The following NRG1 variants were observed in gnomAD, a reference collection of about 807,000 sequenced individuals.
NRG1 encodes the protein pro-neuregulin-1, membrane-bound isoform.
Under a neutral mutation model 63.8 loss-of-function variants are expected in NRG1, and 18 were observed. The ratio of observed to expected loss-of-function variants is 0.28; its 90% CI spans 0.19 to 0.42. NRG1 has a LOEUF of 0.42. NRG1 is among the 10% of genes least tolerant of loss of function. The pLI is 1.00. For synonymous variants in NRG1, 302 were observed against 301.3 expected, an observed-to-expected ratio of 1.00 and a Z score of -0.02; for missense variants, 762 against 814.7, an observed-to-expected ratio of 0.94 and a Z score of 0.79.
intron 1 of NRG1, among the ~76,000 whole-genome samples, chr8:32,054,640 A>C (rs1236830865): frequency 6.6e-6 from 1 of 152,002 alleles, no homozygotes; most frequent in Non-Finnish European, 1.5e-5. Flanking sequence ...TTATGGTGTT[A>C]GGGCTATTGC....
chr8:31,949,332 A>T (rs913399104), intron 1 of NRG1, among the ~76,000 whole-genome samples: 1 of 152,090 alleles, frequency 6.6e-6, no homozygotes, highest in Non-Finnish European at 1.5e-5. Context: ...GCCCCCTCTC[A>T]GCTAATCTTC....
At chr8:32,358,696 A>T (rs964324744) in intron 1 of NRG1, among the ~76,000 whole-genome samples, 8 of 152,190 alleles carry the variant, frequency 5.3e-5, no homozygotes, top group African/African-American at 1.9e-4. Context: ...TGCAGAGCAG[A>T]AGGCTAGAGC....
chr8:32,216,343 A>G (rs1003181836), intron 1 of NRG1, among the ~76,000 whole-genome samples: 5 of 149,502 alleles, frequency 3.3e-5, no homozygotes, highest in African/African-American at 9.7e-5. Flanking sequence ...TTTGTCTCTG[A>G]CAGTATTAAA....
At chr8:32,395,457 T>C (rs1449326369) in intron 1 of NRG1, among the ~76,000 whole-genome samples, 1 of 152,226 alleles carries the variant, frequency 6.6e-6, no homozygotes, top group African/African-American at 2.4e-5. Context: ...TGCCATCTCA[T>C]TGTAGTTTGA....
At chr8:31,817,645 C>T (rs1179820953) in intron 1 of NRG1, among the ~76,000 whole-genome samples, 1 of 152,162 alleles carries the variant, frequency 6.6e-6, no homozygotes, top group Non-Finnish European at 1.5e-5. Context: ...TTGACTTCTT[C>T]ACTCTGTGTT....
At chr8:32,727,769 G>C (rs941272488) in intron 5 of NRG1, among the ~76,000 whole-genome samples, 180 bp from the exon 6 acceptor site, 1 of 152,060 alleles carries the variant, frequency 6.6e-6, no homozygotes, top group Non-Finnish European at 1.5e-5. Flanking sequence ...TTTATAATTT[G>C]ATTCTATGTA....
At chr8:32,688,097 A>G (rs1380636886) in intron 5 of NRG1, among the ~76,000 whole-genome samples, 2 of 152,226 alleles carry the variant, frequency 1.3e-5, no homozygotes, top group African/African-American at 4.8e-5. Context: ...TAGATCTTAC[A>G]GAAGAAAATA....
intron 1 of NRG1, among the ~76,000 whole-genome samples, chr8:31,907,961 A>C (rs930900000): frequency 9.2e-5 from 14 of 152,120 alleles, no homozygotes; most frequent in Non-Finnish European, 1.5e-4. Flanking sequence ...CTGTTAATTT[A>C]AATTGAAGAA....
chr8:31,662,824 T>A (rs139314335), intron 1 of NRG1, among the ~76,000 whole-genome samples: 1 of 152,306 alleles, frequency 6.6e-6, no homozygotes, highest in East Asian at 1.9e-4. Context: ...CAAGAACTTA[T>A]TGTTGGGATG....
intron 1 of NRG1, among the ~76,000 whole-genome samples, chr8:31,722,373 C>T (rs185415319): frequency 1.2e-3 from 187 of 152,176 alleles, no homozygotes; most frequent in Non-Finnish European, 2.3e-3. Flanking sequence ...TGTCTTTCAT[C>T]TGTTCTCTTA....
intron 1 of NRG1, among the ~76,000 whole-genome samples, chr8:31,927,486 T>C (rs1834466030): frequency 8.2e-6 from 1 of 121,386 alleles, no homozygotes; most frequent in Non-Finnish European, 1.6e-5. Context: ...TCTCGCTCTG[T>C]CGCCCAGGCT....
chr8:31,876,342 C>T (rs1376690279), intron 1 of NRG1, among the ~76,000 whole-genome samples: 2 of 152,136 alleles, frequency 1.3e-5, no homozygotes, highest in Non-Finnish European at 2.9e-5. Context: ...TTATTGCAAG[C>T]ATTAAAGGAG....
chr8:32,101,213 G>A (rs752307773), intron 1 of NRG1, among the ~76,000 whole-genome samples: 1 of 152,034 alleles, frequency 6.6e-6, no homozygotes, highest in Non-Finnish European at 1.5e-5. Context: ...GATTTACTTG[G>A]CCTTTTGTCT....
chr8:32,126,762 T>C (rs1345701671), intron 1 of NRG1, among the ~76,000 whole-genome samples: 1 of 151,942 alleles, frequency 6.6e-6, no homozygotes, highest in Non-Finnish European at 1.5e-5. Context: ...GTAAGATGTT[T>C]AGCTTTTCAA....
At chr8:32,056,333 T>C (rs1822933781) in intron 1 of NRG1, among the ~76,000 whole-genome samples, 1 of 152,304 alleles carries the variant, frequency 6.6e-6, no homozygotes, top group Non-Finnish European at 1.5e-5. Flanking sequence ...GAGAAAACAA[T>C]ACTGCTTTAG....
intron 1 of NRG1, among the ~76,000 whole-genome samples, chr8:31,886,687 G>A (rs531661065): frequency 2.1e-3 from 317 of 152,090 alleles, no homozygotes; most frequent in Non-Finnish European, 2.9e-3. Context: ...ATATGTGTTC[G>A]GAGGGGGAGC....
chr8:31,640,464 T>G lies in NRG1; in HGVS notation c.37+1033T>G, dbSNP rs896324671. 1 of 1,583,148 alleles carries G rather than the reference T, an allele frequency of 6.3e-7. No individual in the cohort carries two copies. The highest frequency in any genetic ancestry group is 8.6e-7 in the Non-Finnish European group (1 of 1,166,266). On this transcript the variant is annotated intron_variant, in intron 1 of 10. Coordinates refer to the NRG1 transcript ENST00000519301. The surrounding 1 kb of genome is among the most constrained non-coding windows in gnomAD (Gnocchi z 6.3). Reference sequence around the variant, plus strand: ...GCGAGCCCGGGGAGGAGGCGCCCTATCTGGTGAAGGTGCACCAGGTGTGGG... The same window carrying G: ...GCGAGCCCGGGGAGGAGGCGCCCTAGCTGGTGAAGGTGCACCAGGTGTGGG...
chr8:31,798,184 A>G (rs537663916), intron 1 of NRG1, among the ~76,000 whole-genome samples: 1 of 152,240 alleles, frequency 6.6e-6, no homozygotes, highest in Non-Finnish European at 1.5e-5. Flanking sequence ...ATTTATTTAT[A>G]TTTTCAAAGA....
chr8:32,366,677 G>GTGTGTATATATATA (rs1164696498), intron 1 of NRG1, among the ~76,000 whole-genome samples: 62 of 87,422 alleles, frequency 7.1e-4, no homozygotes, highest in Non-Finnish European at 1.1e-3. Context: ...GTGTGTGTGT[G>GTGTGTATATATATA]TATATATATA....
Sources: gnomAD v4.1 joint callset for allele counts (sites outside exome capture counted in the v4.1 genomes callset) on GRCh38, gnomAD v4.1.1 for gene constraint, Gnocchi (gnomAD v3.1) non-coding constraint, MANE v1.5 for transcripts, NCBI Gene and HGNC (gene_info 2026-07-23, HGNC 2026-07-21) for gene names.